ZNF423: variants seen among roughly 807,000 people sequenced by gnomAD.
ZNF423 encodes the protein Ebf-associated zinc finger protein.
ZNF423 carries 12 observed loss-of-function variants against 95.8 expected under a neutral mutation model. That is an observed-to-expected ratio of 0.13 (90% CI 0.08 to 0.20). The LOEUF (loss-of-function observed/expected upper bound fraction) is 0.20. Among genes scored for constraint, ZNF423 ranks in the 10% least tolerant of loss-of-function variants. The pLI is 1.00. For missense variants in ZNF423, 1,316 were observed against 1,737.1 expected (o/e 0.76, Z 4.31); for synonymous variants, 749 against 711.9 (o/e 1.05, Z -0.83).
intron 1 of ZNF423, among the ~76,000 whole-genome samples, chr16:49,835,802 G>C (rs2035112742): frequency 6.6e-6 from 1 of 152,220 alleles, no homozygotes. Context: ...GAGGGGAAGA[G>C]GAGCTGCTGC....
rs900146205 is a variant in ZNF423, at chr16:49,489,183, G to A, written c.*2092C>T. ...TGAGGGCTCACCTGGGCTCCATGGG[G>A]TTTGGGATAAATCCAGAGCTGGAGA... On this transcript the variant is annotated 3_prime_UTR_variant, in exon 8 of 8. Transcript: ENST00000563137. 2.0e-5 allele frequency: 3 copies of A among 152,352 alleles called. No individual in the cohort carries two copies. The highest frequency in any genetic ancestry group is 7.2e-5 in the African/African-American group (3 of 41,464). 9.4% of individuals were successfully genotyped at this position (152,352 alleles called of 1,614,324 possible). A position where few individuals can be genotyped will look rare whatever the true frequency, so the allele number is the denominator to read the frequency against.
chr16:49,713,641 T>C (rs1290561913), intron 3 of ZNF423, among the ~76,000 whole-genome samples: 4 of 152,200 alleles, frequency 2.6e-5, no homozygotes, highest in African/African-American at 7.2e-5. Flanking sequence ...CTTTATTAAA[T>C]GCTCCTCCAT....
chr16:49,581,668 C>T (rs1970678838), intron 5 of ZNF423, among the ~76,000 whole-genome samples: 1 of 152,172 alleles, frequency 6.6e-6, no homozygotes, highest in Non-Finnish European at 1.5e-5. Flanking sequence ...CATCTAACTC[C>T]CTGAAAGTGC....
chr16:49,563,403 C>T (rs1033900987), intron 5 of ZNF423, among the ~76,000 whole-genome samples: 1 of 152,186 alleles, frequency 6.6e-6, no homozygotes, highest in Non-Finnish European at 1.5e-5. Flanking sequence ...TGCCATGCTT[C>T]TTCTACAGCC....
chr16:49,568,579 T>A (rs1176455481), intron 5 of ZNF423, among the ~76,000 whole-genome samples: 1 of 152,136 alleles, frequency 6.6e-6, no homozygotes, highest in Non-Finnish European at 1.5e-5. Flanking sequence ...TCCCTTTTTG[T>A]CCCTCTGTCT....
chr16:49,745,004 C>T (rs1232533915), intron 2 of ZNF423, among the ~76,000 whole-genome samples: 1 of 152,204 alleles, frequency 6.6e-6, no homozygotes, highest in Non-Finnish European at 1.5e-5. Context: ...CAGAGCTCCA[C>T]GATCAGGCTT....
chr16:49,602,938 C>T (rs1270739637), intron 5 of ZNF423, among the ~76,000 whole-genome samples: 2 of 152,234 alleles, frequency 1.3e-5, no homozygotes, highest in Admixed American at 6.5e-5. Flanking sequence ...GAGCTGCCGG[C>T]GGGCGATCAG....
At chr16:49,760,314 G>C (rs965271886) in intron 2 of ZNF423, among the ~76,000 whole-genome samples, 2 of 141,482 alleles carry the variant, frequency 1.4e-5, no homozygotes, top group African/African-American at 5.3e-5. Context: ...TGGGTGGATG[G>C]GTGGGTGGGT....
chr16:49,846,366 G>A (rs1446487181), intron 1 of ZNF423, among the ~76,000 whole-genome samples: 1 of 151,178 alleles, frequency 6.6e-6, no homozygotes, highest in Admixed American at 6.6e-5. Context: ...GCGAGTGAAA[G>A]TGTGTACGTC....
chr16:49,732,553 T>C (rs750501629), intron 2 of ZNF423, among the ~76,000 whole-genome samples: 1 of 152,198 alleles, frequency 6.6e-6, no homozygotes, highest in Non-Finnish European at 1.5e-5. Flanking sequence ...TATGCAAAAG[T>C]GCGTGTATGT....
chr16:49,791,442 G>A (rs147386320), intron 1 of ZNF423, among the ~76,000 whole-genome samples: 146 of 152,284 alleles, frequency 9.6e-4, no homozygotes, highest in African/African-American at 3.3e-3. Context: ...TCAATGCTAT[G>A]CCAAAAAATC....
At chr16:49,683,065 ACCCGCCCTGGCCATCT>A (rs1162123899) in intron 3 of ZNF423, among the ~76,000 whole-genome samples, 3 of 152,096 alleles carry the variant, frequency 2.0e-5, no homozygotes, top group Admixed American at 6.5e-5. Flanking sequence ...AGGAGTGGGG[ACCCGCCCTGGCCATCT>A]CCCTGTATTT....
At chr16:49,773,764 C>T (rs1276373944) in intron 2 of ZNF423, among the ~76,000 whole-genome samples, 1 of 152,172 alleles carries the variant, frequency 6.6e-6, no homozygotes, top group Non-Finnish European at 1.5e-5. Context: ...TCAATTTCCA[C>T]CTATGAAATA....
At position 49,638,261 on chromosome 16, in the gene ZNF423, G is replaced by A. The variant is rs1389308387; in HGVS notation, c.915C>T (p.Cys305=). ...CGACGAAGACCTCAGGGCAGTGAAT[G>A]CACTGCAGGTCCGCCTTCTCGGACA... ...PQLSEKADLQ[C]IHCPEVFVDE... The change falls in exon 4 of 8, where the codon TGC becomes TGT. Residue 305 remains cysteine (C), a synonymous_variant. Transcript: ENST00000563137. The surrounding 1 kb of genome is among the most constrained non-coding windows in gnomAD (Gnocchi z 5.6). 2 of 1,612,624 alleles carry A rather than the reference G, an allele frequency of 1.2e-6. No homozygotes were observed. Among genetic ancestry groups the A allele is most frequent in the Non-Finnish European group, 1.7e-6 (2 of 1,180,024 alleles).
intron 4 of ZNF423, among the ~76,000 whole-genome samples, chr16:49,633,556 C>T (rs957194241): frequency 3.5e-4 from 54 of 152,194 alleles, no homozygotes; most frequent in Admixed American, 3.2e-3. Context: ...CCTCTGGCTT[C>T]GTAGTGGAAC....
intron 7 of ZNF423, among the ~76,000 whole-genome samples, chr16:49,501,859 T>C (rs893001760): frequency 6.7e-6 from 1 of 149,130 alleles, no homozygotes; most frequent in Admixed American, 6.7e-5. Context: ...TTGGGAGCAA[T>C]AGAAACTGGG....
intron 6 of ZNF423, 90 bp from the exon 7 acceptor site, chr16:49,523,829 T>C: frequency 9.7e-7 from 1 of 1,028,114 alleles, no homozygotes; most frequent in South Asian, 1.4e-5. Flanking sequence ...CAGGCAGGGA[T>C]CACTGTGGCA....
intron 2 of ZNF423, among the ~76,000 whole-genome samples, chr16:49,753,095 T>C (rs1847620): frequency 2.3e-3 from 342 of 150,988 alleles, no homozygotes; most frequent in African/African-American, 6.5e-3. Flanking sequence ...AATACAAAAA[T>C]TAGCCAGGCG....
At chr16:49,557,493 C>A (rs1328244451) in intron 5 of ZNF423, among the ~76,000 whole-genome samples, 2 of 152,108 alleles carry the variant, frequency 1.3e-5, no homozygotes, top group East Asian at 3.9e-4. Flanking sequence ...GGCCCTGGGG[C>A]AGTGTTCTGA....
Sources: allele counts gnomAD v4.1 joint callset (sites outside exome capture counted in the v4.1 genomes callset), GRCh38; gene constraint gnomAD v4.1.1; non-coding constraint Gnocchi (gnomAD v3.1); transcripts MANE v1.5; gene names NCBI Gene and HGNC (gene_info 2026-07-23, HGNC 2026-07-21).